STAU1: variants seen among roughly 807,000 people sequenced by gnomAD.
STAU1 encodes the protein staufen double-stranded RNA binding protein 1.
STAU1 carries 13 observed loss-of-function variants against 62.9 expected under a neutral mutation model. The ratio of observed to expected loss-of-function variants is 0.21; its 90% confidence interval spans 0.13 to 0.33. The LOEUF (loss-of-function observed/expected upper bound fraction) is 0.33, where lower values mean the gene tolerates loss of function less well. Among genes scored for constraint, STAU1 ranks in the 10% least tolerant of loss-of-function variants. STAU1 has a pLI of 1.00. For missense variants in STAU1, 571 were observed against 712.1 expected, an observed-to-expected ratio of 0.80 and a Z score of 2.25; for synonymous variants, 269 against 265.1, an observed-to-expected ratio of 1.01 and a Z score of -0.14.
chr20:49,166,325 T>C, intron 2 of STAU1, 40 bp from the exon 3 acceptor site: 3 of 804,272 alleles, frequency 3.7e-6, no homozygotes, highest in South Asian at 3.6e-5. Context: ...AGGTAAATTA[T>C]AGAGGAGATA....
At chr20:49,163,802 T>C (rs1195958592) in intron 3 of STAU1, among the ~76,000 whole-genome samples, 2 of 152,090 alleles carry the variant, frequency 1.3e-5, no homozygotes, top group Non-Finnish European at 2.9e-5. Context: ...TCTCAGTCTG[T>C]TGCCCAGGCT....
chr20:49,126,588 C>CAAAAAAAAAAAAAAAAAAAAAAAACAA, intron 6 of STAU1, among the ~76,000 whole-genome samples: 1 of 56,380 alleles, frequency 1.8e-5, no homozygotes. Context: ...AAAAAAAAAA[C>CAAAAAAAAAAAAAAAAAAAAAAAACAA]AAAAAAAAAA....
rs1185724791 is a variant in STAU1 at position 49,182,824 on chromosome 20, G to A, written c.-160+5292C>T. Among the ~76,000 whole-genome samples, 5 of 143,562 alleles carry A rather than the reference G, an allele frequency of 3.5e-5. No individual in the cohort carries two copies. In the East Asian group the frequency reaches 1.0e-3, roughly 29 times the overall value. 94.2% of individuals were successfully genotyped at this position (143,562 alleles called of 152,430 possible). On this transcript the variant is annotated intron_variant, in intron 1 of 13. Transcript: ENST00000371856. ...ACTGCACTCCAGCCTGGGTAACAGA[G>A]CCAGACTCCGTCTCAAAAAAAAAAA...
At chr20:49,218,561 C>A in the STAU1 span, among the ~76,000 whole-genome samples, 53 of 144,350 alleles carry the variant, frequency 3.7e-4, no homozygotes, top group African/African-American at 1.3e-3. Flanking sequence ...AACAAACAAA[C>A]AAACAAAAAA....
chr20:49,137,136 C>A (rs2092903178), intron 5 of STAU1, among the ~76,000 whole-genome samples: 1 of 152,156 alleles, frequency 6.6e-6, no homozygotes, highest in Admixed American at 6.5e-5. Flanking sequence ...TAAACAGCCA[C>A]TGAACTCCAG....
the STAU1 span, among the ~76,000 whole-genome samples, chr20:49,216,084 T>C: frequency 7.5e-6 from 1 of 133,268 alleles, no homozygotes; most frequent in African/African-American, 2.8e-5. Flanking sequence ...AGAAGAAAAC[T>C]CTTTGCTTTG....
At chr20:49,143,905 C>A (rs1360439099) in intron 5 of STAU1, among the ~76,000 whole-genome samples, 1 of 152,222 alleles carries the variant, frequency 6.6e-6, no homozygotes, top group South Asian at 2.1e-4. Context: ...TCACCTGATG[C>A]ACCTGCAGCT....
the STAU1 span, among the ~76,000 whole-genome samples, chr20:49,216,873 A>G: frequency 6.6e-6 from 1 of 152,192 alleles, no homozygotes; most frequent in African/African-American, 2.4e-5. Flanking sequence ...AAGGCTTTCA[A>G]GATCTTCATA....
intron 2 of STAU1, among the ~76,000 whole-genome samples, chr20:49,170,229 G>C (rs532596629): frequency 2.6e-5 from 4 of 152,348 alleles, no homozygotes; most frequent in Admixed American, 2.0e-4. Flanking sequence ...ATGGTTTACA[G>C]AACTATCTGC....
At chr20:49,144,403 C>T (rs1053969338) in intron 5 of STAU1, among the ~76,000 whole-genome samples, 3 of 152,162 alleles carry the variant, frequency 2.0e-5, no homozygotes, top group Admixed American at 2.0e-4. Context: ...CCTTTCCATA[C>T]ATCAGATAAA....
chr20:49,163,216 C>T (rs923473689), intron 3 of STAU1, among the ~76,000 whole-genome samples: 1 of 151,832 alleles, frequency 6.6e-6, no homozygotes, highest in African/African-American at 2.4e-5. Flanking sequence ...TTGACACTGA[C>T]ACCCCATTTA....
rs747641770 is a variant in STAU1 at position 49,119,984 on chromosome 20, T to G, written c.1111A>C (p.Lys371Gln). ...PTKPALKSEE[K>Q]TPIKKPGDGR... is the part of the protein sequence containing the mutation. ...ATCAGAGAGCCCACAGCACTCACCT[T>G]CTCCTCTGACTTGAGTGCGGGTTTG... Residue 371 changes from lysine (K) to glutamine (Q), a missense_variant and splice_region_variant, in exon 9 of 14, where the codon AAG becomes CAG. Around this residue, in one of 3 missense-constraint regions of STAU1, gnomAD observed 414 missense variants for 499.6 expected, o/e 0.83. Transcript: ENST00000371856. 1 of 1,613,846 alleles carries G rather than the reference T, an allele frequency of 6.2e-7. No individual in the cohort carries two copies. The highest frequency in any genetic ancestry group is 8.5e-7 in the Non-Finnish European group (1 of 1,179,846).
intron 1 of STAU1, among the ~76,000 whole-genome samples, chr20:49,182,838 CA>C (rs1180599599): frequency 4.6e-4 from 27 of 58,902 alleles, no homozygotes; most frequent in Admixed American, 1.1e-3. Context: ...GACTCCGTCT[CA>C]AAAAAAAAAA....
chr20:49,166,327 G>C (rs1215923289), intron 2 of STAU1, 42 bp from the exon 3 acceptor site: 4 of 790,032 alleles, frequency 5.1e-6, no homozygotes, highest in Admixed American at 5.7e-5. Flanking sequence ...GTAAATTATA[G>C]AGGAGATATG....
chr20:49,151,848 C>CA, intron 4 of STAU1, 101 bp from the exon 5 acceptor site: 1 of 1,040,494 alleles, frequency 9.6e-7, no homozygotes, highest in Non-Finnish European at 1.4e-6. Flanking sequence ...CGATCCTACT[C>CA]ACATTAGTGT....
chr20:49,216,673 T>C, the STAU1 span, among the ~76,000 whole-genome samples: 1 of 152,182 alleles, frequency 6.6e-6, no homozygotes, highest in East Asian at 1.9e-4. Context: ...AATTTTTTTT[T>C]CCTTTTTCCC....
At chr20:49,187,030 G>A (rs1273653313) in intron 1 of STAU1, among the ~76,000 whole-genome samples, 2 of 152,052 alleles carry the variant, frequency 1.3e-5, no homozygotes, top group African/African-American at 4.8e-5. Flanking sequence ...TATAAGCAAA[G>A]CTTCCGTGAA....
At chr20:49,119,016 C>T (rs1757274529) in intron 9 of STAU1, among the ~76,000 whole-genome samples, 1 of 152,178 alleles carries the variant, frequency 6.6e-6, no homozygotes, top group Non-Finnish European at 1.5e-5. Context: ...CAGTTATTAA[C>T]TGGCCATGAC....
At chr20:49,128,773 CAAAAAAAAA>C (rs34891670) in intron 6 of STAU1, among the ~76,000 whole-genome samples, 1 of 102,678 alleles carries the variant, frequency 9.7e-6, no homozygotes, top group African/African-American at 3.8e-5. Flanking sequence ...CATCCAAATC[CAAAAAAAAA>C]AAAAAAAAAA....
Sources: allele counts gnomAD v4.1 joint callset (sites outside exome capture counted in the v4.1 genomes callset), GRCh38; gene constraint gnomAD v4.1.1; regional missense constraint gnomAD v4.1.1; transcripts MANE v1.5; gene names NCBI Gene and HGNC (gene_info 2026-07-23, HGNC 2026-07-21).